ZNF98: variants seen among roughly 807,000 people sequenced by gnomAD.
The protein encoded by ZNF98 is zinc finger protein 739.
A neutral mutation model predicts 12.8 loss-of-function variants in ZNF98; 8 were observed. That is an observed-to-expected ratio of 0.63 (90% CI 0.37 to 1.13). ZNF98 has a LOEUF of 1.13. Among genes scored for constraint, ZNF98 ranks in the 50% most tolerant of loss-of-function variants. The pLI, the probability that ZNF98 is intolerant of heterozygous loss-of-function variation, is 0.01. For missense variants in ZNF98, 379 were observed against 666.1 expected, an observed-to-expected ratio of 0.57 and a Z score of 4.74; for synonymous variants, 112 against 223.5, an observed-to-expected ratio of 0.50 and a Z score of 4.45.
intron 3 of ZNF98, among the ~76,000 whole-genome samples, chr19:22,400,502 C>T (rs1599385327): frequency 6.6e-6 from 1 of 151,530 alleles, no homozygotes; most frequent in Non-Finnish European, 1.5e-5. Flanking sequence ...TTACAACTAC[C>T]TAAGCCCCTT....
intron 1 of ZNF98, among the ~76,000 whole-genome samples, chr19:22,417,867 G>A (rs1969662639): frequency 6.6e-6 from 1 of 152,092 alleles, no homozygotes; most frequent in African/African-American, 2.4e-5. Context: ...GGAAAAGGGG[G>A]TCTGCTGTCA....
intron 1 of ZNF98, among the ~76,000 whole-genome samples, chr19:22,405,096 T>A (rs922149429): frequency 6.6e-6 from 1 of 151,876 alleles, no homozygotes; most frequent in Non-Finnish European, 1.5e-5. Flanking sequence ...AAGACTCTGG[T>A]ATATAGGAAA....
chr19:22,415,774 A>G (rs564284247), intron 1 of ZNF98, among the ~76,000 whole-genome samples: 2 of 151,986 alleles, frequency 1.3e-5, no homozygotes, highest in East Asian at 3.9e-4. Flanking sequence ...CAACATAGTG[A>G]GAACCTGTCT....
chr19:22,415,813 G>A (rs1400260983), intron 1 of ZNF98, among the ~76,000 whole-genome samples: 1 of 151,386 alleles, frequency 6.6e-6, no homozygotes. Context: ...AAAAGGCTTA[G>A]GCCAGGCACA....
At chr19:22,420,449 T>C (rs559827688) in intron 1 of ZNF98, among the ~76,000 whole-genome samples, 8 of 152,162 alleles carry the variant, frequency 5.3e-5, no homozygotes, top group Non-Finnish European at 1.2e-4. Flanking sequence ...ATTATTTCTG[T>C]TTTCCCCTCA....
chr19:22,421,792 T>A (rs979615510), intron 1 of ZNF98, among the ~76,000 whole-genome samples: 5 of 152,166 alleles, frequency 3.3e-5, no homozygotes, highest in Admixed American at 6.5e-5. Context: ...ACATTTTTAA[T>A]AGGCGAAAAG....
chr19:22,416,447 T>C (rs998899774), intron 1 of ZNF98, among the ~76,000 whole-genome samples: 9 of 147,914 alleles, frequency 6.1e-5, no homozygotes, highest in African/African-American at 2.0e-4. Flanking sequence ...CCAGCCTGCG[T>C]GACAGAGCAA....
At chr19:22,404,275 A>G (rs780895546) in intron 1 of ZNF98, among the ~76,000 whole-genome samples, 1 of 152,242 alleles carries the variant, frequency 6.6e-6, no homozygotes, top group Non-Finnish European at 1.5e-5. Context: ...TGAATCTCTA[A>G]CAAGCTCACC....
rs564490197 is a variant in ZNF98, at chr19:22,401,153, G to A, written c.253+1636C>T. Reference sequence around the variant, plus strand: ...AGTCACTGAAATTGAAGACAAATAAGTAAAAAGTTGCTTTTTGTAGATCAT... The same window carrying A: ...AGTCACTGAAATTGAAGACAAATAAATAAAAAGTTGCTTTTTGTAGATCAT... On this transcript the variant is annotated intron_variant, in intron 3 of 3. Transcript: ENST00000357774. Among the ~76,000 whole-genome samples the A allele has an allele frequency of 1.9e-3, 281 of 144,714 alleles. 1 individual carries two copies. The highest frequency in any genetic ancestry group is 6.9e-3 in the African/African-American group (269 of 39,258). 94.9% of individuals were successfully genotyped at this position (144,714 alleles called of 152,430 possible). A position where few individuals can be genotyped will look rare whatever the true frequency, so the allele number is the denominator to read the frequency against.
Position 22,391,472 on chromosome 19 carries a change from C to T in ZNF98, c.*44G>A. ...AGAATGAATTACCTTACCTACAATC[C>T]AGTGTGATAACCATTTAAAGGCTTT... On this transcript the variant is annotated 3_prime_UTR_variant, in exon 4 of 4. Transcript: ENST00000357774. 6.0e-6 allele frequency: 9 copies of T among 1,506,690 alleles called. No homozygotes were observed. Among genetic ancestry groups the T allele is most frequent in the Non-Finnish European group, 6.2e-6 (7 of 1,127,738 alleles). The allele number at this position is 1,506,690 out of a possible 1,614,324, so 93.3% of individuals were successfully genotyped here.
chr19:22,421,044 C>T (rs1159647147), intron 1 of ZNF98, among the ~76,000 whole-genome samples: 2 of 151,938 alleles, frequency 1.3e-5, no homozygotes, highest in Non-Finnish European at 2.9e-5. Context: ...ATGCTATTTC[C>T]TTCCCCTGTG....
Position 22,391,291 on chromosome 19 carries a change from T to C in ZNF98, c.*225A>G. The C allele has an allele frequency of 1.1e-6, 1 of 901,472 alleles. No individual in the cohort carries two copies. The allele number at this position is 901,472 out of a possible 1,614,324, so 55.8% of individuals were successfully genotyped here. ...TTAATGCTATTAAGTATAAATTCTCTGATGCTGAATAAGATGTGTGCAGAT... is the reference window on the plus strand; with the variant it reads ...TTAATGCTATTAAGTATAAATTCTCCGATGCTGAATAAGATGTGTGCAGAT... On this transcript the variant is annotated 3_prime_UTR_variant, in exon 4 of 4. Coordinates refer to ENST00000357774, the MANE Select transcript of ZNF98 (RefSeq NM_001098626.2).
At chr19:22,408,531 T>C (rs1287782743) in intron 1 of ZNF98, among the ~76,000 whole-genome samples, 1 of 152,180 alleles carries the variant, frequency 6.6e-6, no homozygotes, top group East Asian at 1.9e-4. Flanking sequence ...CATTATTCTA[T>C]ATTTAGAAAA....
chr19:22,413,253 T>C (rs1599389934), intron 1 of ZNF98, among the ~76,000 whole-genome samples: 1 of 151,376 alleles, frequency 6.6e-6, no homozygotes, highest in Non-Finnish European at 1.5e-5. Flanking sequence ...TTAGGCAAGA[T>C]AAAAAAATAA....
chr19:22,404,720 A>G (rs571789145), intron 1 of ZNF98, among the ~76,000 whole-genome samples: 1 of 152,334 alleles, frequency 6.6e-6, no homozygotes, highest in African/African-American at 2.4e-5. Flanking sequence ...CCAGATACTG[A>G]TATCTGCCAT....
intron 2 of ZNF98, 128 bp downstream of exon 2, chr19:22,403,258 T>TA (rs375950161): frequency 0.045 from 34,995 of 770,892 alleles, 424 homozygotes; most frequent in African/African-American, 0.18. Context: ...ATCTTGAAGT[T>TA]AAAAAAAAAA....
At position 22,391,665 on chromosome 19, in the gene ZNF98, C is replaced by A; in HGVS notation, c.1570G>T (p.Gly524Cys). 2 of 1,613,898 alleles carry A rather than the reference C, an allele frequency of 1.2e-6. No homozygotes were observed. Among genetic ancestry groups the A allele is most frequent in the Non-Finnish European group, 1.7e-6 (2 of 1,179,906 alleles). The change falls in exon 4 of 4, where the codon GGC becomes TGC. Residue 524 changes from glycine (G) to cysteine (C), a missense_variant. By Grantham distance (159) the Gly-to-Cys change is radical. Transcript: ENST00000357774. ...GEKPYKCEEC[G>C]KAFNNSSILN... is the part of the protein sequence containing the mutation. ...ATAGAGGAGTTGTTAAAGGCTTTGC[C>A]GCATTCTTCACACTTGTAGGGTTTC...
At chr19:22,413,372 GACA>G (rs1269252035) in intron 1 of ZNF98, among the ~76,000 whole-genome samples, 2 of 152,134 alleles carry the variant, frequency 1.3e-5, no homozygotes, top group African/African-American at 4.8e-5. Flanking sequence ...TTTTCAAACT[GACA>G]ACTTCAGTAA....
intron 3 of ZNF98, among the ~76,000 whole-genome samples, chr19:22,399,390 C>G (rs1009015886): frequency 4.6e-5 from 7 of 152,052 alleles, no homozygotes; most frequent in Admixed American, 1.3e-4. Context: ...TAAATATATG[C>G]TATTCTTACA....
Sources: gnomAD v4.1 joint callset for allele counts (sites outside exome capture counted in the v4.1 genomes callset) on GRCh38, gnomAD v4.1.1 for gene constraint, MANE v1.5 for transcripts, NCBI Gene and HGNC (gene_info 2026-07-23, HGNC 2026-07-21) for gene names.